Variants in SNCAIP observed in about 807,000 individuals in gnomAD.
SNCAIP encodes the protein synuclein alpha interacting protein.
A neutral mutation model predicts 86.7 loss-of-function variants in SNCAIP; 43 were observed. The observed-to-expected ratio is 0.50, with a 90% CI of 0.39 to 0.64. The LOEUF (loss-of-function observed/expected upper bound fraction) is 0.64, where lower values mean the gene tolerates loss of function less well. Ranked by LOEUF, SNCAIP falls within the 30% of genes least tolerant of loss-of-function variation. The pLI, the probability that SNCAIP is intolerant of heterozygous loss-of-function variation, is 0.00. For missense variants in SNCAIP, 981 were observed against 1,103.1 expected (o/e 0.89, Z 1.57); for synonymous variants, 417 against 427.2 (o/e 0.98, Z 0.29).
At chr5:122,348,270 A>G (rs1759028335) in intron 1 of SNCAIP, among the ~76,000 whole-genome samples, 1 of 152,142 alleles carries the variant, frequency 6.6e-6, no homozygotes, top group African/African-American at 2.4e-5. Context: ...AGATATCTTA[A>G]CTCATTAAAG....
chr5:122,362,293 G>T (rs1478165424), intron 1 of SNCAIP, among the ~76,000 whole-genome samples: 1 of 152,272 alleles, frequency 6.6e-6, no homozygotes, highest in Middle Eastern at 3.4e-3. Context: ...ATAGGTGATG[G>T]AGTAGAAATT....
intron 8 of SNCAIP, among the ~76,000 whole-genome samples, chr5:122,446,942 G>A (rs968660419): frequency 6.6e-6 from 1 of 152,164 alleles, no homozygotes; most frequent in African/African-American, 2.4e-5. Context: ...GGTATTATGG[G>A]TGTCCCCATC....
intron 1 of SNCAIP, 43 bp downstream of exon 1, chr5:122,312,327 CG>C (rs1431339128): frequency 6.6e-6 from 1 of 152,616 alleles, no homozygotes; most frequent in African/African-American, 2.4e-5. Context: ...AGGCGGGAGG[CG>C]GGCAGCCAGC....
chr5:122,370,006 T>A (rs1182644880), intron 1 of SNCAIP: 2 of 152,176 alleles, frequency 1.3e-5, no homozygotes, highest in East Asian at 1.9e-4. Flanking sequence ...TCACTTTCCT[T>A]TTCTGTGAAC....
chr5:122,453,051 C>A, intron 10 of SNCAIP: 2 of 1,125,262 alleles, frequency 1.8e-6, no homozygotes, highest in Non-Finnish European at 1.3e-6. Context: ...CTTTGAATTG[C>A]ATGAGCTTTT....
At chr5:122,362,192 C>A (rs569808087) in intron 1 of SNCAIP, among the ~76,000 whole-genome samples, 4 of 152,276 alleles carry the variant, frequency 2.6e-5, no homozygotes, top group African/African-American at 9.6e-5. Context: ...CTTGTATTAT[C>A]TTATTTAACC....
intron 2 of SNCAIP, among the ~76,000 whole-genome samples, chr5:122,395,620 GTCTT>G (rs1390066926): frequency 5.9e-5 from 9 of 152,214 alleles, no homozygotes; most frequent in Non-Finnish European, 1.2e-4. Context: ...GAGTTTTCAT[GTCTT>G]TCTATCACAC....
chr5:122,457,297 C>T (rs1784996089), intron 10 of SNCAIP, among the ~76,000 whole-genome samples: 1 of 152,214 alleles, frequency 6.6e-6, no homozygotes, highest in Non-Finnish European at 1.5e-5. Flanking sequence ...GCCACTGCAA[C>T]CAGCCTGTAG....
intron 8 of SNCAIP, among the ~76,000 whole-genome samples, chr5:122,445,645 T>TACACACACAC (rs55968414): frequency 4.9e-5 from 7 of 143,098 alleles, no homozygotes; most frequent in African/African-American, 1.8e-4. Context: ...CTTTAAGTTT[T>TACACACACAC]ACACACACAC....
intron 10 of SNCAIP, among the ~76,000 whole-genome samples, chr5:122,459,819 T>C (rs1176731384): frequency 6.6e-6 from 1 of 152,176 alleles, no homozygotes; most frequent in African/African-American, 2.4e-5. Flanking sequence ...ATACTAGCAT[T>C]ATAATAAAGA....
At chr5:122,432,292 T>C (rs1265083502) in intron 6 of SNCAIP, among the ~76,000 whole-genome samples, 1 of 152,114 alleles carries the variant, frequency 6.6e-6, no homozygotes, top group Non-Finnish European at 1.5e-5. Context: ...ATTGGATAAA[T>C]AATGAAGCTG....
Position 122,415,496 on chromosome 5 carries a change from A to G in SNCAIP, c.131-7372A>G, listed in dbSNP as rs10069023. On this transcript the variant is annotated intron_variant, in intron 3 of 10. Transcript: ENST00000261368. The stretch of plus-strand genomic sequence containing the variant: ...CATTTTCTTTGTTGTCTTGGTGTCT[A>G]AAGCTAATTTTCTAATGTGGACACA... Among the ~76,000 whole-genome samples the G allele has an allele frequency of 7.9e-3, 1,202 of 152,344 alleles. 15 individuals are homozygous for G. Among genetic ancestry groups the G allele is most frequent in the African/African-American group, 0.028 (1,155 of 41,576 alleles).
At chr5:122,462,162 T>C (rs1024233395) in intron 10 of SNCAIP, among the ~76,000 whole-genome samples, 11 of 152,216 alleles carry the variant, frequency 7.2e-5, no homozygotes, top group African/African-American at 2.7e-4. Context: ...ACATAGTTGC[T>C]ATCATCTTCA....
chr5:122,409,572 A>G (rs1435534018), intron 3 of SNCAIP, among the ~76,000 whole-genome samples: 1 of 152,240 alleles, frequency 6.6e-6, no homozygotes. Flanking sequence ...TGTTACTTGT[A>G]TGACAATGAG....
rs761750645 is a variant in SNCAIP, at chr5:122,450,736, A to G, written c.1889A>G (p.Glu630Gly). 81 of 1,614,082 alleles carry G rather than the reference A, an allele frequency of 5.0e-5. No homozygotes were observed. Among genetic ancestry groups the G allele is most frequent in the Non-Finnish European group, 6.6e-5 (78 of 1,180,014 alleles). The change falls in exon 10 of 11, where the codon GAA becomes GGA. Residue 630 changes from glutamate (E) to glycine (G), a missense_variant. Physicochemically the swap from Glu to Gly is moderately conservative, Grantham distance 98. Coordinates refer to ENST00000261368, the MANE Select transcript of SNCAIP (RefSeq NM_005460.4). ...LRQLLGKEIS[E>G]NVCTQEKLSL... ...CAGTTATTGGGAAAGGAAATCTCAG[A>G]AAATGTCTGCACCCAGGAAAAACTG...
In SNCAIP at chr5:122,450,694, C is replaced by A. The variant is rs776480316; in HGVS notation, c.1847C>A (p.Ser616Tyr). 1 of 1,614,160 alleles carries A rather than the reference C, an allele frequency of 6.2e-7. No individual in the cohort carries two copies. The highest frequency in any genetic ancestry group is 1.7e-5 in the Admixed American group (1 of 60,024). The change falls in exon 10 of 11, where the codon TCT becomes TAT. Residue 616 changes from serine (S) to tyrosine (Y), a missense_variant. By Grantham distance (144) the Ser-to-Tyr change is moderately radical. Transcript: ENST00000261368. The stretch of plus-strand genomic sequence containing the variant: ...AGACCCAAAGCAAAAGATGAAGATT[C>A]TGATAAAATCTTACGCCAGTTATTG... ...RARPKAKDEDSDKILRQLLGK... is the reference protein window; with the variant it reads ...RARPKAKDEDYDKILRQLLGK...
At chr5:122,377,253 G>A (rs1047877025) in intron 1 of SNCAIP, among the ~76,000 whole-genome samples, 1 of 152,078 alleles carries the variant, frequency 6.6e-6, no homozygotes, top group African/African-American at 2.4e-5. Flanking sequence ...CTCTGTCTTG[G>A]TGTATTCCAG....
At chr5:122,401,024 A>T (rs548141394) in intron 2 of SNCAIP, 207 of 1,550,134 alleles carry the variant, frequency 1.3e-4, no homozygotes, top group Non-Finnish European at 1.7e-4. Flanking sequence ...AAAAGCTTGG[A>T]TTGGAGGACA....
At chr5:122,344,491 A>G (rs1758208594) in intron 1 of SNCAIP, among the ~76,000 whole-genome samples, 1 of 152,172 alleles carries the variant, frequency 6.6e-6, no homozygotes, top group South Asian at 2.1e-4. Context: ...TGTCAAGCAA[A>G]CAATGCCTTC....
Sources: gnomAD v4.1 joint callset for allele counts (sites outside exome capture counted in the v4.1 genomes callset) on GRCh38, gnomAD v4.1.1 for gene constraint, MANE v1.5 for transcripts, NCBI Gene and HGNC (gene_info 2026-07-23, HGNC 2026-07-21) for gene names.